The following ZNF362 variants were observed in gnomAD, a reference collection of about 807,000 sequenced individuals.
ZNF362 encodes zinc finger protein 362.
ZNF362 carries 11 observed loss-of-function variants against 42.9 expected under a neutral mutation model. The observed-to-expected ratio is 0.26, with a 90% CI of 0.16 to 0.42. ZNF362 has a LOEUF of 0.42. Among genes scored for constraint, ZNF362 ranks in the 20% least tolerant of loss-of-function variants. The pLI is 1.00. For missense variants in ZNF362, 362 were observed against 576.2 expected (o/e 0.63, Z 3.81); for synonymous variants, 255 against 257.3 (o/e 0.99, Z 0.09).
chr1:33,154,666 C>T, the ZNF362 span, among the ~76,000 whole-genome samples: 14 of 151,192 alleles, frequency 9.3e-5, no homozygotes, highest in Admixed American at 5.3e-4. Flanking sequence ...GGTGCAGTGG[C>T]GTGTGCCTGT....
upstream of ZNF362, among the ~76,000 whole-genome samples, chr1:33,253,638 A>G (rs1478369064): frequency 6.6e-6 from 1 of 152,004 alleles, no homozygotes; most frequent in East Asian, 1.9e-4. Context: ...CTCAGCACTC[A>G]AGGCCTTCAG....
At chr1:33,201,053 C>T in the ZNF362 span, among the ~76,000 whole-genome samples, 1 of 152,150 alleles carries the variant, frequency 6.6e-6, no homozygotes, top group Admixed American at 6.5e-5. Flanking sequence ...GCCTCCATAT[C>T]TGTGAGGAAA....
the ZNF362 span, among the ~76,000 whole-genome samples, chr1:33,213,875 AAC>A: frequency 6.6e-6 from 1 of 151,838 alleles, no homozygotes; most frequent in Non-Finnish European, 1.5e-5. Context: ...AACAAAACAA[AAC>A]AAAAAAAACA....
chr1:33,202,873 G>A, the ZNF362 span, among the ~76,000 whole-genome samples: 8 of 151,724 alleles, frequency 5.3e-5, no homozygotes, highest in Non-Finnish European at 8.8e-5. Context: ...ATATATTTAA[G>A]GTATATAAAT....
At chr1:33,143,418 G>A in the ZNF362 span, among the ~76,000 whole-genome samples, 5 of 152,290 alleles carry the variant, frequency 3.3e-5, no homozygotes, top group South Asian at 6.2e-4. Flanking sequence ...ATGAGAGGGC[G>A]TGGTTTTAGA....
chr1:33,191,187 T>C, the ZNF362 span, among the ~76,000 whole-genome samples: 2 of 152,258 alleles, frequency 1.3e-5, no homozygotes, highest in African/African-American at 4.8e-5. Context: ...ACTTAATAAT[T>C]TTATACCTAC....
chr1:33,165,636 G>T, the ZNF362 span: 1 of 1,363,602 alleles, frequency 7.3e-7, no homozygotes, highest in Non-Finnish European at 9.9e-7. This position sits in a 1 kb window ranked among gnomAD's most constrained non-coding sequence, Gnocchi z 4.0. Context: ...CCTGACCACT[G>T]CCAGGCGCTG....
At chr1:33,225,762 G>T in the ZNF362 span, among the ~76,000 whole-genome samples, 2 of 152,198 alleles carry the variant, frequency 1.3e-5, no homozygotes, top group East Asian at 3.8e-4. Flanking sequence ...TCCAGGGTTA[G>T]CTCAATGCTG....
chr1:33,147,375 C>T, the ZNF362 span: 1 of 1,614,152 alleles, frequency 6.2e-7, no homozygotes, highest in South Asian at 1.1e-5. The surrounding 1 kb of genome is among the most constrained non-coding windows in gnomAD (Gnocchi z 8.1). Context: ...CAAGCTTGTC[C>T]CGGACGTTAA....
the ZNF362 span, among the ~76,000 whole-genome samples, chr1:33,203,606 C>T: frequency 7.1e-4 from 108 of 152,218 alleles, 1 homozygote; most frequent in African/African-American, 2.5e-3. Flanking sequence ...TACAAGGGTT[C>T]CCTTTTCTCC....
rs375861690 is a variant in ZNF362, at chr1:33,278,732, G to A, written c.350-1392G>A. Among the ~76,000 whole-genome samples, 14 of 152,176 alleles carry A rather than the reference G, an allele frequency of 9.2e-5. No individual in the cohort carries two copies. The South Asian group carries it at 2.1e-3, about 23-fold the overall frequency. The stretch of plus-strand genomic sequence containing the variant: ...TGTGTTCTTTAAAATAGATGGCCTC[G>A]TATGTCTGTGATTTGCTTTTTTCAC... On this transcript the variant is annotated intron_variant, in intron 4 of 8. Transcript: ENST00000539719.
Position 33,280,798 on chromosome 1 carries a change from A to G in ZNF362, c.683+341A>G, listed in dbSNP as rs1645987696. The stretch of plus-strand genomic sequence containing the variant: ...GAATCACCTGAAGAGGCCGTGCACA[A>G]TGGCTCATCCCTGTAATCCCAGCGC... On this transcript the variant is annotated intron_variant, in intron 5 of 8. Transcript: ENST00000539719. This position sits in a 1 kb window ranked among gnomAD's most constrained non-coding sequence, Gnocchi z 5.6. 6.6e-6 allele frequency among the ~76,000 whole-genome samples: 1 copy of G among 152,078 alleles called. No individual in the cohort carries two copies. Among genetic ancestry groups the G allele is most frequent in the Non-Finnish European group, 1.5e-5 (1 of 68,004 alleles).
chr1:33,134,654 A>G, the ZNF362 span, among the ~76,000 whole-genome samples: 3 of 152,318 alleles, frequency 2.0e-5, no homozygotes, highest in African/African-American at 7.2e-5. Context: ...ATGTTTACGC[A>G]GGGAAGCTGT....
At chr1:33,167,568 C>A in the ZNF362 span, among the ~76,000 whole-genome samples, 1 of 152,204 alleles carries the variant, frequency 6.6e-6, no homozygotes, top group Non-Finnish European at 1.5e-5. This position sits in a 1 kb window ranked among gnomAD's most constrained non-coding sequence, Gnocchi z 4.2. Flanking sequence ...ATATACCTCA[C>A]ACCCAGCAAC....
the ZNF362 span, among the ~76,000 whole-genome samples, chr1:33,231,387 G>C: frequency 6.6e-6 from 1 of 152,180 alleles, no homozygotes; most frequent in African/African-American, 2.4e-5. Context: ...AATCCTAAGA[G>C]ACATTTTCTC....
chr1:33,160,143 G>T, the ZNF362 span, among the ~76,000 whole-genome samples: 1 of 152,162 alleles, frequency 6.6e-6, no homozygotes, highest in African/African-American at 2.4e-5. Flanking sequence ...AATAGCTAAT[G>T]AAATGGCCCA....
chr1:33,299,086 C>A lies in ZNF362; in HGVS notation c.*40C>A. The A allele has an allele frequency of 6.5e-7, 1 of 1,537,842 alleles. No homozygotes were observed. Among genetic ancestry groups the A allele is most frequent in the Non-Finnish European group, 8.9e-7 (1 of 1,123,174 alleles). On this transcript the variant is annotated 3_prime_UTR_variant, in exon 9 of 9. Coordinates refer to ENST00000539719, the MANE Select transcript of ZNF362 (RefSeq NM_152493.3). ...CCGCCCCACCCGGCCCACTGGCAGACACAGACCCAGGCAGCACCAGGCCCC... is the reference window on the plus strand; with the variant it reads ...CCGCCCCACCCGGCCCACTGGCAGAAACAGACCCAGGCAGCACCAGGCCCC...
the ZNF362 span, among the ~76,000 whole-genome samples, chr1:33,160,438 C>T: frequency 6.6e-6 from 1 of 151,892 alleles, no homozygotes; most frequent in East Asian, 1.9e-4. Flanking sequence ...GAGTTTTGCT[C>T]CTGTCACCCA....
At position 33,264,075 on chromosome 1, in the gene ZNF362, G is replaced by T. The variant is rs1042642691; in HGVS notation, c.-88-6412G>T. Among the ~76,000 whole-genome samples the T allele has an allele frequency of 5.9e-5, 9 of 152,206 alleles. 1 individual carries two copies. The East Asian group carries it at 1.7e-3, about 29-fold the overall frequency. On this transcript the variant is annotated intron_variant, in intron 1 of 8. Coordinates refer to ENST00000539719, the MANE Select transcript of ZNF362 (RefSeq NM_152493.3). Reference sequence around the variant, plus strand: ...GCCTGTTTGGCCTGCCCCACAGGCTGCCTGCCTTGGAGGTCCTGGGATATA... The same window carrying T: ...GCCTGTTTGGCCTGCCCCACAGGCTTCCTGCCTTGGAGGTCCTGGGATATA...
Sources: gnomAD v4.1 joint callset for allele counts (sites outside exome capture counted in the v4.1 genomes callset) on GRCh38, gnomAD v4.1.1 for gene constraint, Gnocchi (gnomAD v3.1) non-coding constraint, MANE v1.5 for transcripts, NCBI Gene and HGNC (gene_info 2026-07-23, HGNC 2026-07-21) for gene names.